Variants in PAGR1 observed in about 807,000 individuals in gnomAD.
The protein encoded by PAGR1 is PAXIP1-associated glutamate-rich protein 1.
In PAGR1, 20 loss-of-function variants were observed where a neutral mutation model predicts 22.4. The observed-to-expected ratio is 0.89, with a 90% CI of 0.63 to 1.30. The LOEUF is 1.30. PAGR1 is among the 50% of genes most tolerant of loss of function. The pLI is 0.00. For missense variants in PAGR1, 338 were observed against 343.6 expected (o/e 0.98, Z 0.13); for synonymous variants, 161 against 148.3 (o/e 1.09, Z -0.62).
In PAGR1 at chr16:29,816,737, T is replaced by G; in HGVS notation, c.212T>G (p.Val71Gly). 1 of 1,600,610 alleles carries G rather than the reference T, an allele frequency of 6.2e-7. No homozygotes were observed. The highest frequency in any genetic ancestry group is 8.5e-7 in the Non-Finnish European group (1 of 1,174,384). ...GSGGEEAQGE[V>G]PSAGGEEPAE... ...GGGGGCGAGGAGGCGCAGGGAGAAGTCCCCAGCGCTGGGGGAGAAGAGCCT... is the reference window on the plus strand; with the variant it reads ...GGGGGCGAGGAGGCGCAGGGAGAAGGCCCCAGCGCTGGGGGAGAAGAGCCT... The change falls in exon 1 of 3, where the codon GTC becomes GGC. Residue 71 changes from valine to glycine, a missense_variant. This residue lies in a region of PAGR1 where 235 missense variants were observed against 216.0 expected (regional missense o/e 1.09). Transcript: ENST00000320330.
At chr16:29,819,436 AGACAGAGGCCTGGG>A (rs1900315667) in intron 2 of PAGR1, 105 bp from the exon 3 acceptor site, 2 of 1,037,692 alleles carry the variant, frequency 1.9e-6, no homozygotes, top group Admixed American at 4.0e-5. Flanking sequence ...AGGTCCTCCA[AGACAGAGGCCTGGG>A]GACCTGCATG....
In PAGR1 at chr16:29,816,276, T is replaced by C. The variant is rs1900243738; in HGVS notation, c.-250T>C. 9.6e-6 allele frequency: 4 copies of C among 415,124 alleles called. No homozygotes were observed. The highest frequency in any genetic ancestry group is 1.3e-5 in the Non-Finnish European group (3 of 235,464). The allele number at this position is 415,124 out of a possible 1,614,324, so 25.7% of individuals were successfully genotyped here. A position where few individuals can be genotyped will look rare whatever the true frequency, so the allele number is the denominator to read the frequency against. On this transcript the variant is annotated 5_prime_UTR_variant, in exon 1 of 3. Coordinates refer to ENST00000320330, the MANE Select transcript of PAGR1 (RefSeq NM_024516.4). ...GAGTGGCCCGTCCCTCTCCTCCCCC[T>C]TTCCCTCTTTCGGAAAGTGGTTTCT...
In PAGR1 at chr16:29,821,665, A is replaced by G. The variant is rs1363752554; in HGVS notation, c.*1911A>G. 2.0e-5 allele frequency among the ~76,000 whole-genome samples: 3 copies of G among 152,200 alleles called. No individual in the cohort carries two copies. Among genetic ancestry groups the G allele is most frequent in the African/African-American group, 7.2e-5 (3 of 41,452 alleles). On this transcript the variant is annotated 3_prime_UTR_variant, in exon 3 of 3. Coordinates refer to ENST00000320330, the MANE Select transcript of PAGR1 (RefSeq NM_024516.4). Reference sequence around the variant, plus strand: ...CTGCCTCCTAGTTTGTGGTCTCTACAGTTATAGCCAGGTTGGACTTCCGGC... The same window carrying G: ...CTGCCTCCTAGTTTGTGGTCTCTACGGTTATAGCCAGGTTGGACTTCCGGC...
At position 29,816,468 on chromosome 16, in the gene PAGR1, G is replaced by C. The variant is rs1350862955; in HGVS notation, c.-58G>C. The C allele has an allele frequency of 7.1e-7, 1 of 1,406,544 alleles. No individual in the cohort carries two copies. The highest frequency in any genetic ancestry group is 9.3e-7 in the Non-Finnish European group (1 of 1,076,152). The allele number at this position is 1,406,544 out of a possible 1,614,324, so 87.1% of individuals were successfully genotyped here. ...ACCCCCAGGGGAGCCCGATCCCTGG[G>C]GGACCCTGGCTTCGGACTCCAGTAT... On this transcript the variant is annotated 5_prime_UTR_variant, in exon 1 of 3. Transcript: ENST00000320330.
Position 29,820,560 on chromosome 16 carries a change from T to A in PAGR1, c.*806T>A, listed in dbSNP as rs1900350569. 6.6e-6 allele frequency: 1 copy of A among 152,398 alleles called. No individual in the cohort carries two copies. The highest frequency in any genetic ancestry group is 2.1e-4 in the South Asian group (1 of 4,836). The allele number at this position is 152,398 out of a possible 1,614,324, so 9.4% of individuals were successfully genotyped here. A position where few individuals can be genotyped will look rare whatever the true frequency, so the allele number is the denominator to read the frequency against. On this transcript the variant is annotated 3_prime_UTR_variant, in exon 3 of 3. Coordinates refer to ENST00000320330, the MANE Select transcript of PAGR1 (RefSeq NM_024516.4). ...AAACCCCAAATCAGGGGCAGATCTT[T>A]GTATCCCTTGAGGCTCTCTTTAGTC...
rs968100330 is a variant in PAGR1, at chr16:29,816,419, G to C, written c.-107G>C. 8.5e-7 allele frequency: 1 copy of C among 1,177,398 alleles called. No homozygotes were observed. The highest frequency in any genetic ancestry group is 1.1e-6 in the Non-Finnish European group (1 of 908,370). 72.9% of individuals were successfully genotyped at this position (1,177,398 alleles called of 1,614,324 possible). A position where few individuals can be genotyped will look rare whatever the true frequency, so the allele number is the denominator to read the frequency against. ...TGGCCGCGGAGTCCCCTGCGGGAGC[G>C]TGATTGGCTGGAAACGGTCCCGAAC... On this transcript the variant is annotated 5_prime_UTR_variant, in exon 1 of 3. Coordinates refer to ENST00000320330, the MANE Select transcript of PAGR1 (RefSeq NM_024516.4).
chr16:29,817,469 T>C (rs1249603663), intron 2 of PAGR1, among the ~76,000 whole-genome samples, 177 bp downstream of exon 2: 2 of 110,810 alleles, frequency 1.8e-5, no homozygotes, highest in Non-Finnish European at 3.4e-5. Flanking sequence ...CTTGTCTTCC[T>C]TTTTTTTTTT....
In PAGR1 at chr16:29,816,780, G is replaced by A; in HGVS notation, c.255G>A (p.Glu85=). The A allele has an allele frequency of 1.9e-6, 3 of 1,580,312 alleles. No individual in the cohort carries two copies. Among genetic ancestry groups the A allele is most frequent in the South Asian group, 1.1e-5 (1 of 87,660 alleles). Residue 85 remains glutamate, a synonymous_variant, in exon 1 of 3, where the codon GAG becomes GAA. Coordinates refer to ENST00000320330, the MANE Select transcript of PAGR1 (RefSeq NM_024516.4). Reference sequence around the variant, plus strand: ...AAGAGCCTGCCGAGGAGGACTCCGAGGACTGGTGCGTGCCCTGCAGCGACG... The same window carrying A: ...AAGAGCCTGCCGAGGAGGACTCCGAAGACTGGTGCGTGCCCTGCAGCGACG... ...GGEEPAEEDS[E]DWCVPCSDEE... is the part of the protein sequence containing the mutation.
intron 1 of PAGR1, 48 bp from the exon 2 acceptor site, chr16:29,817,162 G>A (rs1404040863): frequency 1.2e-6 from 2 of 1,613,136 alleles, no homozygotes; most frequent in Non-Finnish European, 1.7e-6. Context: ...ACACGTGTGG[G>A]TGGGAGGGAG....
rs915468613 is a variant in PAGR1, at chr16:29,820,062, C to T, written c.*308C>T. 6.7e-6 allele frequency: 2 copies of T among 299,154 alleles called. No homozygotes were observed. Among genetic ancestry groups the T allele is most frequent in the Admixed American group, 4.9e-5 (1 of 20,238 alleles). 18.5% of individuals were successfully genotyped at this position (299,154 alleles called of 1,614,324 possible). A position where few individuals can be genotyped will look rare whatever the true frequency, so the allele number is the denominator to read the frequency against. Reference sequence around the variant, plus strand: ...TTCTATTGAACACCTATTCAGAGACCTGGACTGAATTTTCTGAGTCTGAAA... The same window carrying T: ...TTCTATTGAACACCTATTCAGAGACTTGGACTGAATTTTCTGAGTCTGAAA... On this transcript the variant is annotated 3_prime_UTR_variant, in exon 3 of 3. Coordinates refer to ENST00000320330, the MANE Select transcript of PAGR1 (RefSeq NM_024516.4).
chr16:29,819,333 A>G (rs1900313609), intron 2 of PAGR1: 1 of 577,454 alleles, frequency 1.7e-6, no homozygotes, highest in Non-Finnish European at 3.1e-6. Context: ...TCCCCTGCCC[A>G]GTATGTTCCT....
rs931856664 is a variant in PAGR1, at chr16:29,820,999, G to T, written c.*1245G>T. 3 of 152,262 alleles carry T rather than the reference G, an allele frequency of 2.0e-5. No individual in the cohort carries two copies. The highest frequency in any genetic ancestry group is 4.4e-5 in the Non-Finnish European group (3 of 68,094). 9.4% of individuals were successfully genotyped at this position (152,262 alleles called of 1,614,324 possible). A position where few individuals can be genotyped will look rare whatever the true frequency, so the allele number is the denominator to read the frequency against. The stretch of plus-strand genomic sequence containing the variant: ...GTTTCTTACTCCTCCATGCAGGGCT[G>T]GGCCAGCTGTTGGTCTCAGTCGATC... On this transcript the variant is annotated 3_prime_UTR_variant, in exon 3 of 3. Transcript: ENST00000320330.
intron 2 of PAGR1, chr16:29,818,529 T>G (rs1900292573): frequency 6.6e-6 from 1 of 152,248 alleles, no homozygotes. Context: ...TTCCAGCTTC[T>G]GCAATTCAGA....
Position 29,821,054 on chromosome 16 carries a change from C to T in PAGR1, c.*1300C>T, listed in dbSNP as rs2067355115. 6.6e-6 allele frequency: 1 copy of T among 152,208 alleles called. No individual in the cohort carries two copies. The highest frequency in any genetic ancestry group is 2.4e-5 in the African/African-American group (1 of 41,434). The allele number at this position is 152,208 out of a possible 1,614,324, so 9.4% of individuals were successfully genotyped here. A position where few individuals can be genotyped will look rare whatever the true frequency, so the allele number is the denominator to read the frequency against. On this transcript the variant is annotated 3_prime_UTR_variant, in exon 3 of 3. Coordinates refer to ENST00000320330, the MANE Select transcript of PAGR1 (RefSeq NM_024516.4). ...AGGAAGTCATTAGCAGAGTGATTTC[C>T]AGAAGGCGTAGAATTTAGTGACCAA...
In PAGR1 at chr16:29,819,875, C is replaced by A; in HGVS notation, c.*121C>A. The A allele has an allele frequency of 1.8e-6, 2 of 1,115,046 alleles. No individual in the cohort carries two copies. The highest frequency in any genetic ancestry group is 2.5e-6 in the Non-Finnish European group (2 of 802,470). 69.1% of individuals were successfully genotyped at this position (1,115,046 alleles called of 1,614,324 possible). A position where few individuals can be genotyped will look rare whatever the true frequency, so the allele number is the denominator to read the frequency against. On this transcript the variant is annotated 3_prime_UTR_variant, in exon 3 of 3. Transcript: ENST00000320330. ...AGAGAAACCTCAAGCTCCCAAACAGCACGTTGCGGGAAAGAGGAAGAGAGA... is the reference window on the plus strand; with the variant it reads ...AGAGAAACCTCAAGCTCCCAAACAGAACGTTGCGGGAAAGAGGAAGAGAGA...
chr16:29,818,910 C>T (rs899083885), intron 2 of PAGR1, among the ~76,000 whole-genome samples: 3 of 152,114 alleles, frequency 2.0e-5, no homozygotes, highest in African/African-American at 7.2e-5. Context: ...CCAAGGGATT[C>T]CATCTTGCCA....
Position 29,819,888 on chromosome 16 carries a change from A to G in PAGR1, c.*134A>G, listed in dbSNP as rs1456711476. On this transcript the variant is annotated 3_prime_UTR_variant, in exon 3 of 3. Transcript: ENST00000320330. ...GCTCCCAAACAGCACGTTGCGGGAA[A>G]GAGGAAGAGAGAGTGTGAGTGTGTG... is the stretch of plus-strand genomic sequence containing the variant. 11 of 945,574 alleles carry G rather than the reference A, an allele frequency of 1.2e-5. No individual in the cohort carries two copies. Among genetic ancestry groups the G allele is most frequent in the Non-Finnish European group, 1.7e-5 (11 of 650,884 alleles). 58.6% of individuals were successfully genotyped at this position (945,574 alleles called of 1,614,324 possible). A position where few individuals can be genotyped will look rare whatever the true frequency, so the allele number is the denominator to read the frequency against.
At chr16:29,819,524 C>G in intron 2 of PAGR1, 31 bp from the exon 3 acceptor site, 3 of 1,612,348 alleles carry the variant, frequency 1.9e-6, no homozygotes, top group Non-Finnish European at 8.5e-7. Flanking sequence ...ACCTCCATCC[C>G]TTCCATGTAT....
Position 29,822,093 on chromosome 16 carries a change from T to G in PAGR1, c.*2339T>G, listed in dbSNP as rs8061634. On this transcript the variant is annotated 3_prime_UTR_variant, in exon 3 of 3. Coordinates refer to ENST00000320330, the MANE Select transcript of PAGR1 (RefSeq NM_024516.4). ...TGTGTGTGGTTGGGGTTTTGTTTTT[T>G]TTTTTTTTTTAAAGAATTATAGCTC... 0.17 allele frequency among the ~76,000 whole-genome samples: 26,160 copies of G among 151,232 alleles called. 2,362 individuals carry two copies. Among genetic ancestry groups the G allele is most frequent in the African/African-American group, 0.24 (9,869 of 41,246 alleles).
Sources: gnomAD v4.1 joint callset for allele counts (sites outside exome capture counted in the v4.1 genomes callset) on GRCh38, gnomAD v4.1.1 for gene constraint, gnomAD v4.1.1 regional missense constraint, MANE v1.5 for transcripts, NCBI Gene and HGNC (gene_info 2026-07-23, HGNC 2026-07-21) for gene names.